LRRC4C: variants seen among roughly 807,000 people sequenced by gnomAD.
The protein encoded by LRRC4C is leucine rich repeat containing 4C, also known as leucine-rich repeat-containing protein 4C.
Under a neutral mutation model 33.6 loss-of-function variants are expected in LRRC4C, and 5 were observed. The observed-to-expected ratio is 0.15, with a 90% CI of 0.08 to 0.31. LRRC4C has a LOEUF of 0.31. Among genes scored for constraint, LRRC4C ranks in the 10% least tolerant of loss-of-function variants. The probability of loss-of-function intolerance (pLI) is 1.00; values close to 1 mark genes in which losing one functional copy is unlikely to be tolerated. For synonymous variants in LRRC4C, 329 were observed against 302.0 expected (o/e 1.09, Z -0.93); for missense variants, 560 against 796.7 (o/e 0.70, Z 3.58).
intron 2 of LRRC4C, among the ~76,000 whole-genome samples, chr11:40,758,147 G>A (rs1303092519): frequency 6.6e-6 from 1 of 152,000 alleles, no homozygotes; most frequent in African/African-American, 2.4e-5. Context: ...CATTTCCTGG[G>A]CATCTTTTGT....
At chr11:40,386,544 G>T (rs1949118781) in intron 3 of LRRC4C, among the ~76,000 whole-genome samples, 1 of 152,116 alleles carries the variant, frequency 6.6e-6, no homozygotes, top group Non-Finnish European at 1.5e-5. Flanking sequence ...CTTCCATCTA[G>T]TACTTCTGGT....
At chr11:40,660,536 C>G (rs1194499152) in intron 2 of LRRC4C, among the ~76,000 whole-genome samples, 5 of 152,200 alleles carry the variant, frequency 3.3e-5, no homozygotes, top group Non-Finnish European at 7.4e-5. Context: ...TAGTTCCATT[C>G]TAATGAGAGG....
At chr11:40,861,521 C>T in intron 2 of LRRC4C, among the ~76,000 whole-genome samples, 1 of 152,004 alleles carries the variant, frequency 6.6e-6, no homozygotes. Flanking sequence ...GAACCAAGAA[C>T]AAAGAAGAGA....
intron 1 of LRRC4C, among the ~76,000 whole-genome samples, chr11:41,317,048 C>T (rs1373251757): frequency 6.6e-6 from 1 of 152,224 alleles, no homozygotes; most frequent in Non-Finnish European, 1.5e-5. Context: ...TTTCTCTACA[C>T]AGTCATCTTG....
chr11:40,463,202 G>A (rs1952486175), intron 3 of LRRC4C, among the ~76,000 whole-genome samples: 1 of 152,000 alleles, frequency 6.6e-6, no homozygotes, highest in Admixed American at 6.6e-5. Context: ...AGTATTAGAA[G>A]TATAGAAGTA....
chr11:40,436,871 T>C (rs930364038), intron 3 of LRRC4C, among the ~76,000 whole-genome samples: 73 of 152,166 alleles, frequency 4.8e-4, no homozygotes, highest in African/African-American at 1.7e-3. Context: ...GGTTGCTTAC[T>C]GATCGAAAGC....
At chr11:40,721,683 G>A (rs1290415329) in intron 2 of LRRC4C, among the ~76,000 whole-genome samples, 4 of 152,236 alleles carry the variant, frequency 2.6e-5, no homozygotes, top group Non-Finnish European at 5.9e-5. Context: ...GGGCGTGGTG[G>A]CTCACGCCTG....
intron 3 of LRRC4C, among the ~76,000 whole-genome samples, chr11:40,404,418 T>C (rs770484862): frequency 2.6e-5 from 4 of 152,150 alleles, no homozygotes; most frequent in Non-Finnish European, 5.9e-5. Flanking sequence ...AATCAGTGAA[T>C]GGCACCACCC....
chr11:40,804,902 C>T (rs1951181368), intron 2 of LRRC4C, among the ~76,000 whole-genome samples: 1 of 152,110 alleles, frequency 6.6e-6, no homozygotes, highest in Non-Finnish European at 1.5e-5. Context: ...AAAATTAACT[C>T]ATTGGATGGG....
intron 6 of LRRC4C, among the ~76,000 whole-genome samples, chr11:40,124,057 C>T (rs958395887): frequency 3.3e-5 from 5 of 152,034 alleles, no homozygotes; most frequent in East Asian, 1.9e-4. Flanking sequence ...GAAAACTAGA[C>T]CTCTATCTCT....
intron 1 of LRRC4C, among the ~76,000 whole-genome samples, chr11:41,193,335 G>A (rs757233042): frequency 3.9e-5 from 6 of 152,084 alleles, no homozygotes; most frequent in Admixed American, 3.3e-4. Context: ...TCAGTCTCTA[G>A]ATGAGAGCAT....
chr11:40,706,731 T>G (rs1277948350), intron 2 of LRRC4C, among the ~76,000 whole-genome samples: 1 of 152,204 alleles, frequency 6.6e-6, no homozygotes, highest in Non-Finnish European at 1.5e-5. Context: ...AGGTAGTTTT[T>G]CTAATTCTGT....
chr11:40,834,250 G>A (rs1952552731), intron 2 of LRRC4C, among the ~76,000 whole-genome samples: 1 of 152,070 alleles, frequency 6.6e-6, no homozygotes, highest in Non-Finnish European at 1.5e-5. Flanking sequence ...GAGGTGGGCA[G>A]GTCACAAGGT....
At chr11:41,293,496 G>T (rs1386947796) in intron 1 of LRRC4C, among the ~76,000 whole-genome samples, 1 of 151,990 alleles carries the variant, frequency 6.6e-6, no homozygotes, top group Non-Finnish European at 1.5e-5. Flanking sequence ...GCCCTGTGTA[G>T]GTTAATATCA....
At chr11:41,235,424 G>C (rs1163502688) in intron 1 of LRRC4C, among the ~76,000 whole-genome samples, 2 of 152,042 alleles carry the variant, frequency 1.3e-5, no homozygotes, top group Non-Finnish European at 2.9e-5. Flanking sequence ...TTCTGTGTTT[G>C]TTTTGTTTTT....
At chr11:40,211,888 A>T (rs528411225) in intron 5 of LRRC4C, among the ~76,000 whole-genome samples, 2 of 152,260 alleles carry the variant, frequency 1.3e-5, no homozygotes, top group East Asian at 3.9e-4. Context: ...TTTGAGACTG[A>T]GAGCTTTGTA....
intron 1 of LRRC4C, among the ~76,000 whole-genome samples, chr11:41,436,591 C>G (rs1590274019): frequency 1.3e-5 from 2 of 152,308 alleles, no homozygotes; most frequent in East Asian, 3.9e-4. Context: ...AAATGACTGA[C>G]CAGCCTCCAC....
chr11:40,969,871 A>G (rs973497189), intron 1 of LRRC4C, among the ~76,000 whole-genome samples: 3 of 152,192 alleles, frequency 2.0e-5, no homozygotes, highest in African/African-American at 7.2e-5. Context: ...TCAGTTGAAC[A>G]GACATTATCC....
intron 1 of LRRC4C, among the ~76,000 whole-genome samples, chr11:40,949,669 G>C (rs1958599741): frequency 6.6e-6 from 1 of 151,972 alleles, no homozygotes; most frequent in African/African-American, 2.4e-5. Context: ...CAAATGCTGA[G>C]AGATTTTGTC....
Sources: allele counts gnomAD v4.1 joint callset (sites outside exome capture counted in the v4.1 genomes callset), GRCh38; gene constraint gnomAD v4.1.1; transcripts MANE v1.5; gene names NCBI Gene and HGNC (gene_info 2026-07-23, HGNC 2026-07-21).